The following GANAB variants were observed in gnomAD, a reference collection of about 807,000 sequenced individuals.
The protein encoded by GANAB is neutral alpha-glucosidase AB.
A neutral mutation model predicts 129.9 loss-of-function variants in GANAB; 35 were observed. That is an observed-to-expected ratio of 0.27 (90% CI 0.21 to 0.36). The LOEUF is 0.36. Among genes scored for constraint, GANAB ranks in the 10% least tolerant of loss-of-function variants. The pLI is 1.00. For missense variants in GANAB, 939 were observed against 1,221.0 expected (o/e 0.77, Z 3.44); for synonymous variants, 482 against 451.8 (o/e 1.07, Z -0.85).
In GANAB at chr11:62,628,947, C is replaced by T; in HGVS notation, c.2002G>A (p.Ala668Thr). ...TGTGCCCGGAAGAATGGCTGGTAAG[C>T]ACCCATCTGGTACCAGCGCACAAGC... is the stretch of plus-strand genomic sequence containing the variant. ...ELLVRWYQMGAYQPFFRAHAH... is the reference protein window; with the variant it reads ...ELLVRWYQMGTYQPFFRAHAH... The change falls in exon 17 of 24, where the codon GCT (alanine) becomes ACT (threonine). Residue 668 changes from alanine to threonine, a missense_variant. By Grantham distance (58) the Ala-to-Thr change is moderately conservative. Around this residue, in one of 5 missense-constraint regions of GANAB, gnomAD observed 147 missense variants for 282.4 expected, o/e 0.52. Transcript: ENST00000356638. 9.3e-6 allele frequency: 15 copies of T among 1,614,010 alleles called. No homozygotes were observed. Among genetic ancestry groups the T allele is most frequent in the Non-Finnish European group, 1.2e-5 (14 of 1,179,888 alleles).
At chr11:62,627,263 C>G in intron 18 of GANAB, 26 bp downstream of exon 18, 1 of 1,505,122 alleles carries the variant, frequency 6.6e-7, no homozygotes, top group Non-Finnish European at 9.3e-7. Context: ...AAAGCCAACC[C>G]ACCACCAACT....
At chr11:62,630,122 G>T in intron 13 of GANAB, 75 bp downstream of exon 13, 1 of 1,368,104 alleles carries the variant, frequency 7.3e-7, no homozygotes, top group Non-Finnish European at 1.0e-6. Flanking sequence ...CCATAGAAGG[G>T]TTGGCAAGCC....
intron 1 of GANAB, among the ~76,000 whole-genome samples, chr11:62,643,580 T>C (rs1326494833): frequency 6.6e-6 from 1 of 151,920 alleles, no homozygotes; most frequent in East Asian, 1.9e-4. Flanking sequence ...GAGGCAGAGG[T>C]TGCAGTGAGC....
In GANAB at chr11:62,625,420, T is replaced by C. The variant is rs1160848009; in HGVS notation, c.*395A>G. 7 of 396,982 alleles carry C rather than the reference T, an allele frequency of 1.8e-5. No individual in the cohort carries two copies. The highest frequency in any genetic ancestry group is 5.7e-5 in the South Asian group (3 of 52,836). 24.6% of individuals were successfully genotyped at this position (396,982 alleles called of 1,614,324 possible). On this transcript the variant is annotated 3_prime_UTR_variant, in exon 24 of 24. Coordinates refer to ENST00000356638, the MANE Select transcript of GANAB (RefSeq NM_198334.3). ...GAAAAGGAGCCCTAACTCATTGCCC[T>C]CATCTTCTTCCAAGAAGTGGCATCA...
At chr11:62,638,315 G>A (rs1004999336) in intron 4 of GANAB, among the ~76,000 whole-genome samples, 1 of 152,010 alleles carries the variant, frequency 6.6e-6, no homozygotes, top group Non-Finnish European at 1.5e-5. Context: ...CACCACACCT[G>A]GCTGATTTTT....
intron 1 of GANAB, chr11:62,640,004 G>C (rs914440210): frequency 8.2e-6 from 3 of 367,140 alleles, no homozygotes; most frequent in Non-Finnish European, 1.5e-5. Flanking sequence ...GGGAGGCTGC[G>C]GCGGGCGGAT....
chr11:62,625,185 T>TC lies in GANAB; in HGVS notation c.*629_*630insG, dbSNP rs1590787131. 2 of 454,378 alleles carry TC rather than the reference T, an allele frequency of 4.4e-6. No individual in the cohort carries two copies. Among genetic ancestry groups the TC allele is most frequent in the East Asian group, 1.4e-4 (2 of 14,400 alleles). 28.1% of individuals were successfully genotyped at this position (454,378 alleles called of 1,614,324 possible). A position where few individuals can be genotyped will look rare whatever the true frequency, so the allele number is the denominator to read the frequency against. ...GACAGAGGAGGTAGAACTGCCCCTC[T>TC]AAGAATTGCAGCAGCTCTACAAGGA... On this transcript the variant is annotated 3_prime_UTR_variant, in exon 24 of 24. Coordinates refer to ENST00000356638, the MANE Select transcript of GANAB (RefSeq NM_198334.3).
chr11:62,639,359 C>T lies in GANAB; in HGVS notation c.252G>A (p.Lys84=). Residue 84 remains lysine, a splice_region_variant and synonymous_variant, in exon 3 of 24, where the codon AAG becomes AAA. Transcript: ENST00000356638. ...CAGACTCTTCCTTGTCTCTCCTGAC[C>T]TTGGTGACCTCATGGATCAGATGGA... The part of the protein sequence containing the change: ...LTVHLIHEVT[K]VLLVLELQGL... 1 of 1,596,640 alleles carries T rather than the reference C, an allele frequency of 6.3e-7. No homozygotes were observed. The highest frequency in any genetic ancestry group is 8.6e-7 in the Non-Finnish European group (1 of 1,164,214).
chr11:62,628,902 G>T lies in GANAB; in HGVS notation c.2047C>A (p.Arg683=), dbSNP rs1943529649. 1 of 1,613,982 alleles carries T rather than the reference G, an allele frequency of 6.2e-7. No individual in the cohort carries two copies. Among genetic ancestry groups the T allele is most frequent in the Admixed American group, 1.7e-5 (1 of 59,986 alleles). ...FRAHAHLDTG[R]REPWLLPSQH... ...GATGGTAACAGCCATGGCTCTCGTC[G>T]CCCAGTGTCCAAGTGGGCATGTGCC... The change falls in exon 17 of 24, where the codon CGA becomes AGA. Residue 683 remains arginine, a synonymous_variant. Coordinates refer to ENST00000356638, the MANE Select transcript of GANAB (RefSeq NM_198334.3).
rs558180698 is a variant in GANAB at position 62,632,991 on chromosome 11, A to G, written c.815+14T>C. 2.4e-5 allele frequency: 35 copies of G among 1,485,148 alleles called. No individual in the cohort carries two copies. In the East Asian group the frequency reaches 7.2e-4, roughly 31 times the overall value. 92.0% of individuals were successfully genotyped at this position (1,485,148 alleles called of 1,614,324 possible). A position where few individuals can be genotyped will look rare whatever the true frequency, so the allele number is the denominator to read the frequency against. On this transcript the variant is annotated intron_variant, in intron 8 of 23. Coordinates refer to ENST00000356638, the MANE Select transcript of GANAB (RefSeq NM_198334.3). ...TGCCCACCTCCATCTTCCTGATGTC[A>G]CCATAGGACTCACTCAGTGACCTTC...
intron 1 of GANAB, among the ~76,000 whole-genome samples, chr11:62,642,617 G>A (rs1031546285): frequency 1.3e-5 from 2 of 151,860 alleles, no homozygotes; most frequent in Non-Finnish European, 2.9e-5. Flanking sequence ...TGTATTTTTA[G>A]TAGAGACGGG....
intron 1 of GANAB, among the ~76,000 whole-genome samples, chr11:62,641,413 A>G (rs1448511556): frequency 6.6e-6 from 1 of 150,742 alleles, no homozygotes; most frequent in South Asian, 2.1e-4. Flanking sequence ...TAACATCCCT[A>G]GCACCCTAGG....
chr11:62,630,169 G>A (rs371750185), intron 13 of GANAB, 28 bp downstream of exon 13: 86 of 1,533,768 alleles, frequency 5.6e-5, no homozygotes, highest in East Asian at 9.0e-5. Flanking sequence ...ACAGACAGAC[G>A]CAGGTCATGG....
In GANAB at chr11:62,632,724, G is replaced by A. The variant is rs1315522738; in HGVS notation, c.837C>T (p.Leu279=). 2 of 1,613,684 alleles carry A rather than the reference G, an allele frequency of 1.2e-6. No homozygotes were observed. The highest frequency in any genetic ancestry group is 1.7e-6 in the Non-Finnish European group (2 of 1,179,850). The change falls in exon 9 of 24, where the codon CTC becomes CTT. Residue 279 remains leucine (L), a synonymous_variant. Coordinates refer to ENST00000356638, the MANE Select transcript of GANAB (RefSeq NM_198334.3). ...KVTEGGEPYR[L]YNLDVFQYEL... is the part of the protein sequence containing the mutation. The stretch of plus-strand genomic sequence containing the variant: ...CATACTGGAACACATCCAAATTGTA[G>A]AGGCGATATGGCTCCCCACCCCTGC...
chr11:62,633,742 C>T, intron 5 of GANAB: 1 of 589,350 alleles, frequency 1.7e-6, no homozygotes, highest in South Asian at 2.0e-5. Flanking sequence ...CACCAGGAGG[C>T]ACAGGCCTGA....
At chr11:62,634,499 AAAAT>A in intron 5 of GANAB, 1 of 692,946 alleles carries the variant, frequency 1.4e-6, no homozygotes, top group East Asian at 2.5e-5. Flanking sequence ...GAAACCAAAA[AAAAT>A]AAATAAATAA....
At chr11:62,632,224 T>C (rs1275158433) in intron 9 of GANAB, among the ~76,000 whole-genome samples, 1 of 152,088 alleles carries the variant, frequency 6.6e-6, no homozygotes, top group Non-Finnish European at 1.5e-5. Context: ...TCCGCCCACC[T>C]CAGCCTCCCA....
intron 1 of GANAB, among the ~76,000 whole-genome samples, chr11:62,645,994 C>T (rs1944461171): frequency 6.6e-6 from 1 of 152,230 alleles, no homozygotes; most frequent in Non-Finnish European, 1.5e-5. Context: ...ACCATCCACG[C>T]CGTGAGCTTA....
chr11:62,644,106 G>A (rs925916201), intron 1 of GANAB, among the ~76,000 whole-genome samples: 4 of 151,964 alleles, frequency 2.6e-5, no homozygotes, highest in African/African-American at 2.4e-5. Flanking sequence ...CACCACACTC[G>A]GCTAATTTTG....
Sources: gnomAD v4.1 joint callset for allele counts (sites outside exome capture counted in the v4.1 genomes callset) on GRCh38, gnomAD v4.1.1 for gene constraint, gnomAD v4.1.1 regional missense constraint, MANE v1.5 for transcripts, NCBI Gene and HGNC (gene_info 2026-07-23, HGNC 2026-07-21) for gene names.